TAFA2: variants seen among roughly 807,000 people sequenced by gnomAD.
TAFA2 encodes TAFA chemokine like family member 2, also known as chemokine-like protein TAFA-2.
Under a neutral mutation model 18.8 loss-of-function variants are expected in TAFA2, and 7 were observed. The observed-to-expected ratio is 0.37, with a 90% CI of 0.21 to 0.70. The LOEUF is 0.70. TAFA2 is among the 30% of genes least tolerant of loss of function. The pLI is 0.53. For synonymous variants in TAFA2, 60 were observed against 54.2 expected (o/e 1.11, Z -0.47); for missense variants, 122 against 158.1 (o/e 0.77, Z 1.23).
chr12:61,964,189 C>G (rs993621423), intron 1 of TAFA2, among the ~76,000 whole-genome samples: 3 of 151,958 alleles, frequency 2.0e-5, no homozygotes, highest in Non-Finnish European at 4.4e-5. Flanking sequence ...ACTAAAACAA[C>G]AAAAGCAGTT....
intron 1 of TAFA2, among the ~76,000 whole-genome samples, chr12:61,943,739 A>C (rs1411037636): frequency 2.7e-5 from 4 of 150,050 alleles, no homozygotes; most frequent in Admixed American, 2.7e-4. Context: ...GGATCAATTC[A>C]ACAAGAGGAG....
intron 1 of TAFA2, among the ~76,000 whole-genome samples, chr12:61,944,233 AT>A: frequency 6.7e-6 from 1 of 150,286 alleles, no homozygotes; most frequent in East Asian, 2.0e-4. Context: ...GAAGGCAGAA[AT>A]AAAGATGTTC....
chr12:62,049,457 A>G (rs1179932005), intron 1 of TAFA2, among the ~76,000 whole-genome samples: 6 of 152,230 alleles, frequency 3.9e-5, no homozygotes, highest in African/African-American at 1.4e-4. Flanking sequence ...TATTGGGAAC[A>G]GGAAGAAAGC....
chr12:62,023,289 C>T (rs1232430612), intron 1 of TAFA2, among the ~76,000 whole-genome samples: 1 of 152,062 alleles, frequency 6.6e-6, no homozygotes, highest in Non-Finnish European at 1.5e-5. Context: ...AGAGGTGGAC[C>T]TCCCTCTGTG....
chr12:62,122,389 T>C (rs563043932), intron 1 of TAFA2, among the ~76,000 whole-genome samples: 1 of 152,292 alleles, frequency 6.6e-6, no homozygotes, highest in East Asian at 1.9e-4. Flanking sequence ...CTTGAAAAAG[T>C]AGGATATTTC....
intron 2 of TAFA2, among the ~76,000 whole-genome samples, chr12:61,843,286 C>T (rs562585619): frequency 1.3e-5 from 2 of 152,136 alleles, no homozygotes; most frequent in South Asian, 2.1e-4. Context: ...CTCTGCCACA[C>T]TCTGTTCTTA....
intron 1 of TAFA2, among the ~76,000 whole-genome samples, chr12:62,153,293 C>T (rs2062342501): frequency 6.6e-6 from 1 of 152,126 alleles, no homozygotes; most frequent in South Asian, 2.1e-4. Flanking sequence ...AACATTATTC[C>T]TTGCTCTGGA....
At chr12:61,967,621 G>C (rs1199462459) in intron 1 of TAFA2, among the ~76,000 whole-genome samples, 2 of 151,746 alleles carry the variant, frequency 1.3e-5, no homozygotes, top group African/African-American at 4.8e-5. Flanking sequence ...TGAAGTGAAA[G>C]TTGAACCGAC....
chr12:62,226,469 T>C (rs2062787176), intron 1 of TAFA2, among the ~76,000 whole-genome samples: 1 of 152,168 alleles, frequency 6.6e-6, no homozygotes, highest in Non-Finnish European at 1.5e-5. Context: ...AGTGCTGGGA[T>C]TACAGGCGTG....
At chr12:62,087,927 G>C (rs1868524603) in intron 1 of TAFA2, among the ~76,000 whole-genome samples, 1 of 152,042 alleles carries the variant, frequency 6.6e-6, no homozygotes. Flanking sequence ...AAATCTTGCT[G>C]TTTTCATTAT....
At chr12:61,822,970 C>A (rs1327572028) in intron 2 of TAFA2, among the ~76,000 whole-genome samples, 1 of 152,120 alleles carries the variant, frequency 6.6e-6, no homozygotes, top group Non-Finnish European at 1.5e-5. Flanking sequence ...ATTATTTTGA[C>A]TGCTCATTCA....
chr12:61,913,062 T>C (rs1287612092), intron 1 of TAFA2, among the ~76,000 whole-genome samples: 1 of 152,182 alleles, frequency 6.6e-6, no homozygotes, highest in Non-Finnish European at 1.5e-5. Flanking sequence ...GACATCACAC[T>C]TGAAATTTTT....
At position 61,781,600 on chromosome 12, in the gene TAFA2, T is replaced by C. The variant is rs74095447; in HGVS notation, c.107-26576A>G. ...TAGTGTGTGCATGTGTGTTTGTGTGTGTATGTGTGTGTACCATGGCCTCAG... is the reference window on the plus strand; with the variant it reads ...TAGTGTGTGCATGTGTGTTTGTGTGCGTATGTGTGTGTACCATGGCCTCAG... On this transcript the variant is annotated intron_variant, in intron 2 of 4. Transcript: ENST00000416284. Among the ~76,000 whole-genome samples the C allele has an allele frequency of 3.7e-3, 564 of 151,876 alleles. 2 individuals are homozygous for C. The highest frequency in any genetic ancestry group is 0.013 in the African/African-American group (554 of 41,496).
intron 1 of TAFA2, among the ~76,000 whole-genome samples, chr12:62,244,931 T>G (rs1345223344): frequency 6.6e-6 from 1 of 152,178 alleles, no homozygotes; most frequent in South Asian, 2.1e-4. Context: ...AATTCCATTT[T>G]TTGTCAGTAA....
intron 1 of TAFA2, among the ~76,000 whole-genome samples, chr12:61,870,710 C>T (rs746430375): frequency 6.6e-6 from 1 of 152,128 alleles, no homozygotes. Flanking sequence ...CACCATGCCA[C>T]CTGAAATATG....
At chr12:61,823,428 A>G (rs1385028616) in intron 2 of TAFA2, among the ~76,000 whole-genome samples, 2 of 152,152 alleles carry the variant, frequency 1.3e-5, no homozygotes, top group Non-Finnish European at 2.9e-5. Context: ...TCAGTATACT[A>G]TATTTAGCTG....
intron 2 of TAFA2, among the ~76,000 whole-genome samples, chr12:61,848,400 G>T (rs1273719146): frequency 6.6e-6 from 1 of 152,020 alleles, no homozygotes; most frequent in East Asian, 1.9e-4. Flanking sequence ...AATTAATTAG[G>T]AATGACCTTA....
intron 1 of TAFA2, among the ~76,000 whole-genome samples, chr12:61,922,917 G>C (rs943026205): frequency 2.0e-5 from 3 of 152,134 alleles, no homozygotes; most frequent in Non-Finnish European, 4.4e-5. Context: ...GGGGAGAGGG[G>C]CATCTACTAT....
chr12:61,979,492 G>T (rs1324233008), intron 1 of TAFA2, among the ~76,000 whole-genome samples: 1 of 152,104 alleles, frequency 6.6e-6, no homozygotes, highest in African/African-American at 2.4e-5. Context: ...CATCATTTCA[G>T]AAATTAAAGC....
Sources: gnomAD v4.1 joint callset for allele counts (sites outside exome capture counted in the v4.1 genomes callset) on GRCh38, gnomAD v4.1.1 for gene constraint, MANE v1.5 for transcripts, NCBI Gene and HGNC (gene_info 2026-07-23, HGNC 2026-07-21) for gene names.